Variants in EFNA5 observed in about 807,000 individuals in gnomAD.
The protein encoded by EFNA5 is ephrin-A5.
Under a neutral mutation model 22.9 loss-of-function variants are expected in EFNA5, and 5 were observed. That is an observed-to-expected ratio of 0.22 (90% CI 0.11 to 0.46). The LOEUF (loss-of-function observed/expected upper bound fraction) is 0.46, where lower values mean the gene tolerates loss of function less well. Ranked by LOEUF, EFNA5 falls within the 20% of genes least tolerant of loss-of-function variation. EFNA5 has a pLI of 0.99. For synonymous variants in EFNA5, 113 were observed against 112.2 expected (o/e 1.01, Z -0.04); for missense variants, 237 against 293.3 (o/e 0.81, Z 1.40).
rs367634106 is a variant in EFNA5, at chr5:107,515,003, G to T, written c.126-87494C>A. Among the ~76,000 whole-genome samples the T allele has an allele frequency of 2.0e-4, 30 of 152,294 alleles. No homozygotes were observed. The South Asian group carries it at 5.6e-3, about 28-fold the overall frequency. On this transcript the variant is annotated intron_variant, in intron 1 of 4. Coordinates refer to ENST00000333274, the MANE Select transcript of EFNA5 (RefSeq NM_001962.3). The stretch of plus-strand genomic sequence containing the variant: ...TGGGTGAATGCCGGCAGGAACTAAG[G>T]ACTAGACATGTGCAGGATGGCAGCT...
intron 1 of EFNA5, among the ~76,000 whole-genome samples, chr5:107,544,124 A>G (rs866623968): frequency 2.6e-5 from 4 of 152,244 alleles, no homozygotes; most frequent in African/African-American, 9.6e-5. Context: ...CCCTGGTGGG[A>G]GGGAGATTTA....
chr5:107,410,434 T>C (rs1249675182), intron 2 of EFNA5, among the ~76,000 whole-genome samples: 2 of 152,146 alleles, frequency 1.3e-5, no homozygotes, highest in Admixed American at 6.5e-5. Flanking sequence ...AGATGATGAA[T>C]GGTATTAAAA....
chr5:107,482,864 CTCTCTCTATATATATATA>C lies in EFNA5; in HGVS notation c.126-55373_126-55356del, dbSNP rs1561406439. On this transcript the variant is annotated intron_variant, in intron 1 of 4. Transcript: ENST00000333274. Reference sequence around the variant, plus strand: ...TCTCTCTCTCTCTCTCTCTCTCTCTCTCTCTCTATATATATATATATATATATATACATACATATATAC... The same window carrying C: ...TCTCTCTCTCTCTCTCTCTCTCTCTCTATATATATATACATACATATATAC... Among the ~76,000 whole-genome samples, 231 of 48,290 alleles carry C rather than the reference CTCTCTCTATATATATATA, an allele frequency of 4.8e-3. 2 individuals are homozygous for C. Among genetic ancestry groups the C allele is most frequent in the East Asian group, 0.034 (45 of 1,340 alleles). 31.7% of individuals were successfully genotyped at this position (48,290 alleles called of 152,430 possible). A position where few individuals can be genotyped will look rare whatever the true frequency, so the allele number is the denominator to read the frequency against.
intron 1 of EFNA5, among the ~76,000 whole-genome samples, chr5:107,541,384 TA>T (rs1490236573): frequency 7.2e-5 from 11 of 152,198 alleles, no homozygotes; most frequent in African/African-American, 2.7e-4. Context: ...ATTTTACAAA[TA>T]TGTTACACAT....
chr5:107,488,938 G>A (rs1461455682), intron 1 of EFNA5, among the ~76,000 whole-genome samples: 1 of 152,030 alleles, frequency 6.6e-6, no homozygotes, highest in East Asian at 1.9e-4. Context: ...CGATCCGCCT[G>A]CCTTCACCTC....
chr5:107,648,002 A>G (rs1750660893), intron 1 of EFNA5, among the ~76,000 whole-genome samples: 1 of 152,194 alleles, frequency 6.6e-6, no homozygotes, highest in African/African-American at 2.4e-5. Flanking sequence ...TTCTGTTTAT[A>G]TATCTATTTC....
intron 1 of EFNA5, among the ~76,000 whole-genome samples, chr5:107,526,740 C>A (rs1419284792): frequency 1.3e-5 from 2 of 152,086 alleles, no homozygotes; most frequent in African/African-American, 4.8e-5. Context: ...AGAAGGAGAG[C>A]AAATTCCTAA....
At chr5:107,569,529 ATTTATATATATATGTGTG>A (rs1748738276) in intron 1 of EFNA5, among the ~76,000 whole-genome samples, 1 of 133,076 alleles carries the variant, frequency 7.5e-6, no homozygotes, top group African/African-American at 2.9e-5. Flanking sequence ...GTGTATATAT[ATTTATATATATATGTGTG>A]TATATATATA....
intron 1 of EFNA5, among the ~76,000 whole-genome samples, chr5:107,428,397 G>A (rs1748860464): frequency 6.6e-6 from 1 of 152,130 alleles, no homozygotes; most frequent in South Asian, 2.1e-4. Context: ...AGTTAAAAAT[G>A]TACACACCTG....
intron 1 of EFNA5, among the ~76,000 whole-genome samples, chr5:107,569,559 TTATATATATATATATA>T (rs70996962): frequency 9.4e-5 from 4 of 42,530 alleles, no homozygotes; most frequent in South Asian, 8.2e-4. Context: ...ATATATATAT[TTATATATATATATATA>T]TATATATATA....
chr5:107,585,492 T>C (rs749321057), intron 1 of EFNA5, among the ~76,000 whole-genome samples: 5 of 152,182 alleles, frequency 3.3e-5, no homozygotes, highest in Admixed American at 6.6e-5. Flanking sequence ...TACTGATAAA[T>C]TCTAAACAAT....
chr5:107,538,328 T>C (rs1747968492), intron 1 of EFNA5, among the ~76,000 whole-genome samples: 1 of 152,256 alleles, frequency 6.6e-6, no homozygotes, highest in African/African-American at 2.4e-5. Context: ...TACTTACTGA[T>C]GTTTACTGAG....
chr5:107,495,895 C>G (rs1746967060), intron 1 of EFNA5, among the ~76,000 whole-genome samples: 2 of 152,074 alleles, frequency 1.3e-5, no homozygotes, highest in Admixed American at 1.3e-4. Context: ...GAGGTAGTTT[C>G]TGTAGTCAAA....
At chr5:107,520,668 T>G (rs897685322) in intron 1 of EFNA5, among the ~76,000 whole-genome samples, 2 of 152,244 alleles carry the variant, frequency 1.3e-5, no homozygotes, top group Non-Finnish European at 2.9e-5. Flanking sequence ...TATGATTTTC[T>G]TCTGAAGAGG....
intron 1 of EFNA5, among the ~76,000 whole-genome samples, chr5:107,644,499 G>A (rs1387087747): frequency 6.6e-6 from 1 of 152,132 alleles, no homozygotes; most frequent in Non-Finnish European, 1.5e-5. Context: ...AATCTCATAT[G>A]TAAATAGAAA....
At chr5:107,540,336 G>C (rs1748018243) in intron 1 of EFNA5, among the ~76,000 whole-genome samples, 1 of 152,084 alleles carries the variant, frequency 6.6e-6, no homozygotes, top group African/African-American at 2.4e-5. Context: ...GTTTATATAA[G>C]TTTGCTACGG....
At chr5:107,443,666 C>T (rs1278615049) in intron 1 of EFNA5, among the ~76,000 whole-genome samples, 1 of 151,940 alleles carries the variant, frequency 6.6e-6, no homozygotes, top group Non-Finnish European at 1.5e-5. Context: ...ACAATGAGAA[C>T]ACATGGACAC....
chr5:107,630,913 A>G (rs564445743), intron 1 of EFNA5, among the ~76,000 whole-genome samples: 3 of 152,222 alleles, frequency 2.0e-5, no homozygotes, highest in African/African-American at 7.2e-5. Flanking sequence ...ATATCAGCCT[A>G]GGCCTCCACA....
intron 1 of EFNA5, among the ~76,000 whole-genome samples, chr5:107,523,551 G>T (rs1239894528): frequency 2.0e-5 from 3 of 152,200 alleles, no homozygotes; most frequent in African/African-American, 7.2e-5. Context: ...CTGCTAAGAA[G>T]GAAGACAGTG....
Sources: gnomAD v4.1 joint callset for allele counts (sites outside exome capture counted in the v4.1 genomes callset) on GRCh38, gnomAD v4.1.1 for gene constraint, MANE v1.5 for transcripts, NCBI Gene and HGNC (gene_info 2026-07-23, HGNC 2026-07-21) for gene names.